Variants in PRLR observed in about 807,000 individuals in gnomAD.
PRLR encodes the protein prolactin receptor.
Under a neutral mutation model 40.2 loss-of-function variants are expected in PRLR, and 13 were observed. That is an observed-to-expected ratio of 0.32 (90% CI 0.21 to 0.51). PRLR has a LOEUF of 0.51. Among genes scored for constraint, PRLR ranks in the 20% least tolerant of loss-of-function variants. The pLI is 0.97. For missense variants in PRLR, 656 were observed against 747.3 expected (o/e 0.88, Z 1.42); for synonymous variants, 269 against 278.7 (o/e 0.97, Z 0.35).
chr5:35,083,519 C>CT lies in PRLR; in HGVS notation c.373+950dup, dbSNP rs1469153683. 8.5e-3 allele frequency among the ~76,000 whole-genome samples: 1,238 copies of CT among 144,798 alleles called. 18 individuals are homozygous for CT. Among genetic ancestry groups the CT allele is most frequent in the African/African-American group, 0.031 (1,166 of 37,818 alleles). 95.0% of individuals were successfully genotyped at this position (144,798 alleles called of 152,430 possible). A position where few individuals can be genotyped will look rare whatever the true frequency, so the allele number is the denominator to read the frequency against. On this transcript the variant is annotated intron_variant, in intron 5 of 9. Coordinates refer to ENST00000618457, the MANE Select transcript of PRLR (RefSeq NM_000949.7). ...TTTTAACATTTAAATTCTTTCTTTT[C>CT]TTTTCTTTTTTTTTTTTTGATGTGG...
At chr5:35,222,614 G>A (rs939617075) in intron 1 of PRLR, among the ~76,000 whole-genome samples, 6 of 152,118 alleles carry the variant, frequency 3.9e-5, no homozygotes, top group African/African-American at 1.4e-4. Flanking sequence ...CACAGTGTTG[G>A]CAGCTTAGGG....
intron 2 of PRLR, among the ~76,000 whole-genome samples, chr5:35,089,970 A>G (rs1249920604): frequency 6.6e-6 from 1 of 152,170 alleles, no homozygotes; most frequent in Non-Finnish European, 1.5e-5. Flanking sequence ...TTTCCACCCC[A>G]TAGCCACCTA....
At chr5:35,095,258 T>G (rs1771462846) in intron 2 of PRLR, among the ~76,000 whole-genome samples, 1 of 152,178 alleles carries the variant, frequency 6.6e-6, no homozygotes, top group Admixed American at 6.5e-5. Flanking sequence ...AGATTAAGAC[T>G]GTTATACAAG....
In PRLR at chr5:35,090,791, CTTTTTTTTTTTTTTTT is replaced by C. The variant is rs554800498; in HGVS notation, c.-43-1144_-43-1129del. ...GGCACCCAGGTACCATCAATTAGCT[CTTTTTTTTTTTTTTTT>C]TTTTTTTTTTTTTTTTTTTTTGAGA... On this transcript the variant is annotated intron_variant, in intron 2 of 9. Coordinates refer to ENST00000618457, the MANE Select transcript of PRLR (RefSeq NM_000949.7). 6.4e-4 allele frequency among the ~76,000 whole-genome samples: 38 copies of C among 59,152 alleles called. No individual in the cohort carries two copies. In the South Asian group the frequency reaches 0.011, roughly 17 times the overall value. 38.8% of individuals were successfully genotyped at this position (59,152 alleles called of 152,430 possible). A position where few individuals can be genotyped will look rare whatever the true frequency, so the allele number is the denominator to read the frequency against.
At chr5:35,119,970 T>G (rs934957148) in intron 1 of PRLR, among the ~76,000 whole-genome samples, 4 of 152,102 alleles carry the variant, frequency 2.6e-5, no homozygotes, top group African/African-American at 9.7e-5. Context: ...GGTCCATTCA[T>G]CTACTATTCA....
intron 1 of PRLR, among the ~76,000 whole-genome samples, chr5:35,219,034 G>T (rs1180154038): frequency 1.3e-5 from 2 of 152,148 alleles, no homozygotes; most frequent in African/African-American, 4.8e-5. Context: ...CGGGGTGGGG[G>T]GTGGTTTATC....
chr5:35,183,188 G>A (rs146365776), intron 1 of PRLR, among the ~76,000 whole-genome samples: 98 of 152,200 alleles, frequency 6.4e-4, no homozygotes, highest in Non-Finnish European at 3.5e-4. Context: ...AGAAAAACCC[G>A]GCCACCTTAT....
chr5:35,224,716 G>A (rs1394342923), intron 1 of PRLR, among the ~76,000 whole-genome samples: 1 of 80,340 alleles, frequency 1.2e-5, no homozygotes, highest in Non-Finnish European at 3.6e-5. Flanking sequence ...AAGTAAGGGA[G>A]AAAGTTGGGG....
chr5:35,147,621 C>T (rs1466172317), intron 1 of PRLR, among the ~76,000 whole-genome samples: 1 of 151,990 alleles, frequency 6.6e-6, no homozygotes, highest in Non-Finnish European at 1.5e-5. Flanking sequence ...AAATCAGGGC[C>T]TCAAAATAAA....
In PRLR at chr5:35,064,166, T is replaced by C. The variant is rs1769206886; in HGVS notation, c.*923A>G. 1 of 152,212 alleles carries C rather than the reference T, an allele frequency of 6.6e-6. No individual in the cohort carries two copies. The highest frequency in any genetic ancestry group is 2.4e-5 in the African/African-American group (1 of 41,458). 9.4% of individuals were successfully genotyped at this position (152,212 alleles called of 1,614,324 possible). On this transcript the variant is annotated 3_prime_UTR_variant, in exon 10 of 10. Coordinates refer to ENST00000618457, the MANE Select transcript of PRLR (RefSeq NM_000949.7). ...ATAGTCTTTTATTTTACCTAAGTCATAGAAAAATAGTCTTCAAAAATACAG... is the reference window on the plus strand; with the variant it reads ...ATAGTCTTTTATTTTACCTAAGTCACAGAAAAATAGTCTTCAAAAATACAG...
intron 2 of PRLR, among the ~76,000 whole-genome samples, chr5:35,115,006 G>T (rs1350882633): frequency 6.6e-6 from 1 of 152,198 alleles, no homozygotes; most frequent in Non-Finnish European, 1.5e-5. Context: ...ACCAGCCTCA[G>T]TCTCAAGACA....
chr5:35,220,316 C>T (rs949572349), intron 1 of PRLR, among the ~76,000 whole-genome samples: 1 of 152,164 alleles, frequency 6.6e-6, no homozygotes, highest in Non-Finnish European at 1.5e-5. Flanking sequence ...TTTCTGTTTC[C>T]TGAACAACTC....
At chr5:35,186,076 C>T (rs1398985007) in intron 1 of PRLR, among the ~76,000 whole-genome samples, 3 of 152,084 alleles carry the variant, frequency 2.0e-5, no homozygotes, top group Middle Eastern at 3.2e-3. Context: ...ACCACATAGA[C>T]CCTCGCCTAT....
Position 35,113,094 on chromosome 5 carries a change from C to G in PRLR, c.-44+4967G>C, listed in dbSNP as rs537073661. 2.2e-3 allele frequency among the ~76,000 whole-genome samples: 337 copies of G among 151,652 alleles called. 1 individual carries two copies. The highest frequency in any genetic ancestry group is 2.3e-3 in the Non-Finnish European group (157 of 67,838). ...CCCATCCATCCATCAACCTACCCACCCATCTTTCCATCAATCCATCAACCC... is the reference window on the plus strand; with the variant it reads ...CCCATCCATCCATCAACCTACCCACGCATCTTTCCATCAATCCATCAACCC... On this transcript the variant is annotated intron_variant, in intron 2 of 9. Transcript: ENST00000618457.
chr5:35,082,022 C>A, intron 5 of PRLR: 1 of 155,858 alleles, frequency 6.4e-6, no homozygotes, highest in Non-Finnish European at 1.4e-5. Flanking sequence ...CCACCACCCC[C>A]AGTGAGCACA....
At chr5:35,094,781 A>G (rs2112490673) in intron 2 of PRLR, among the ~76,000 whole-genome samples, 1 of 150,628 alleles carries the variant, frequency 6.6e-6, no homozygotes, top group East Asian at 2.0e-4. Flanking sequence ...CATAACAGGG[A>G]GAAAACCTCA....
At chr5:35,075,982 T>C (rs1770066867) in intron 5 of PRLR, among the ~76,000 whole-genome samples, 1 of 152,218 alleles carries the variant, frequency 6.6e-6, no homozygotes, top group African/African-American at 2.4e-5. Context: ...GGGTCCTGAC[T>C]GTTAGAAGGA....
At chr5:35,100,942 G>A (rs1771840245) in intron 2 of PRLR, among the ~76,000 whole-genome samples, 1 of 152,222 alleles carries the variant, frequency 6.6e-6, no homozygotes, top group Non-Finnish European at 1.5e-5. Flanking sequence ...TGTGCTCTGA[G>A]CTAAGAGGCT....
At chr5:35,160,015 T>C (rs894177202) in intron 1 of PRLR, among the ~76,000 whole-genome samples, 10 of 152,312 alleles carry the variant, frequency 6.6e-5, no homozygotes, top group African/African-American at 2.4e-4. Flanking sequence ...GAAAAGTGAC[T>C]GAGGTGTAGA....
Sources: allele counts gnomAD v4.1 joint callset (sites outside exome capture counted in the v4.1 genomes callset), GRCh38; gene constraint gnomAD v4.1.1; transcripts MANE v1.5; gene names NCBI Gene and HGNC (gene_info 2026-07-23, HGNC 2026-07-21).